MYADML2: variants seen among roughly 807,000 people sequenced by gnomAD.
The protein encoded by MYADML2 is myeloid-associated differentiation marker-like protein 2.
In MYADML2, 17 loss-of-function variants were observed where a neutral mutation model predicts 16.0. That is an observed-to-expected ratio of 1.06 (90% CI 0.73 to 1.60). MYADML2 has a LOEUF of 1.60. MYADML2 is among the 40% of genes most tolerant of loss of function. The probability of loss-of-function intolerance (pLI) is 0.00; values close to 1 mark genes in which losing one functional copy is unlikely to be tolerated. For missense variants in MYADML2, 422 were observed against 437.7 expected (o/e 0.96, Z 0.32); for synonymous variants, 210 against 208.1 (o/e 1.01, Z -0.08).
intron 1 of MYADML2, among the ~76,000 whole-genome samples, chr17:81,946,387 GC>G (rs2041345975): frequency 6.7e-6 from 1 of 148,888 alleles, no homozygotes; most frequent in Non-Finnish European, 1.5e-5. Flanking sequence ...GGTGGCTCAT[GC>G]CTGTAATCCC....
intron 2 of MYADML2, 68 bp from the exon 3 acceptor site, chr17:81,941,911 C>A (rs2041308386): frequency 1.6e-6 from 1 of 616,368 alleles, no homozygotes; most frequent in Admixed American, 3.1e-5. Flanking sequence ...TGAGGCGGCT[C>A]CCCCCAGCGC....
In MYADML2 at chr17:81,941,745, G is replaced by T. The variant is rs1267694160; in HGVS notation, c.-4C>A. ...GGGGCTCCATGGTGCTGCCCATCTGGCCAGCCACGTTTCCAGCTCACACAG... is the reference window on the plus strand; with the variant it reads ...GGGGCTCCATGGTGCTGCCCATCTGTCCAGCCACGTTTCCAGCTCACACAG... On this transcript the variant is annotated 5_prime_UTR_variant, in exon 3 of 3. Coordinates refer to ENST00000409745, the MANE Select transcript of MYADML2 (RefSeq NM_001145113.3). 1 of 1,498,628 alleles carries T rather than the reference G, an allele frequency of 6.7e-7. No individual in the cohort carries two copies. Among genetic ancestry groups the T allele is most frequent in the Non-Finnish European group, 8.9e-7 (1 of 1,119,664 alleles). 92.8% of individuals were successfully genotyped at this position (1,498,628 alleles called of 1,614,324 possible).
intron 1 of MYADML2, among the ~76,000 whole-genome samples, chr17:81,946,384 C>G (rs1374278208): frequency 1.3e-5 from 2 of 149,828 alleles, no homozygotes; most frequent in Non-Finnish European, 3.0e-5. Context: ...CGCGGTGGCT[C>G]ATGCCTGTAA....
intron 1 of MYADML2, among the ~76,000 whole-genome samples, chr17:81,945,220 G>GT (rs1019908021): frequency 2.2e-4 from 33 of 151,258 alleles, no homozygotes; most frequent in African/African-American, 7.8e-4. Context: ...GGCCAACATG[G>GT]TAAAACTCTG....
At chr17:81,945,217 A>G (rs1337760029) in intron 1 of MYADML2, among the ~76,000 whole-genome samples, 2 of 151,336 alleles carry the variant, frequency 1.3e-5, no homozygotes, top group Admixed American at 6.6e-5. Flanking sequence ...CCTGGCCAAC[A>G]TGGTAAAACT....
intron 2 of MYADML2, 25 bp from the exon 3 acceptor site, chr17:81,941,868 C>T: frequency 1.1e-6 from 1 of 937,124 alleles, no homozygotes; most frequent in East Asian, 2.7e-5. Context: ...ACGACGGTGA[C>T]ATTGCAGCAG....
In MYADML2 at chr17:81,942,752, C is replaced by G. The variant is rs2041316074; in HGVS notation, c.-180-379G>C. Among the ~76,000 whole-genome samples, 1 of 152,012 alleles carries G rather than the reference C, an allele frequency of 6.6e-6. No individual in the cohort carries two copies. The highest frequency in any genetic ancestry group is 2.1e-4 in the South Asian group (1 of 4,820). On this transcript the variant is annotated intron_variant, in intron 1 of 2. Transcript: ENST00000409745. The surrounding 1 kb of genome is among the most constrained non-coding windows in gnomAD (Gnocchi z 4.4). ...ATTTTTAATAGAGACCGGGTTTCACCATGTTGGCCAGGCTGGTCTTGATCT... is the reference window on the plus strand; with the variant it reads ...ATTTTTAATAGAGACCGGGTTTCACGATGTTGGCCAGGCTGGTCTTGATCT...
intron 1 of MYADML2, among the ~76,000 whole-genome samples, chr17:81,946,582 A>G (rs2041349223): frequency 6.6e-6 from 1 of 152,052 alleles, no homozygotes; most frequent in Non-Finnish European, 1.5e-5. Flanking sequence ...CGGGAGGCAG[A>G]GCTTGCAGTG....
At position 81,947,151 on chromosome 17, in the gene MYADML2, G is replaced by C. The variant is rs1273643525; in HGVS notation, c.-273C>G. On this transcript the variant is annotated 5_prime_UTR_variant, in exon 1 of 3. Transcript: ENST00000409745. ...ATTTTGTATCAGGGACTCTGGCCTT[G>C]TGGATTCTGGTGTTTTGGAGGTACT... 1 of 152,356 alleles carries C rather than the reference G, an allele frequency of 6.6e-6. No homozygotes were observed. Among genetic ancestry groups the C allele is most frequent in the South Asian group, 2.1e-4 (1 of 4,828 alleles). The allele number at this position is 152,356 out of a possible 1,614,324, so 9.4% of individuals were successfully genotyped here.
chr17:81,945,395 C>A (rs1432044257), intron 1 of MYADML2, among the ~76,000 whole-genome samples: 1 of 151,868 alleles, frequency 6.6e-6, no homozygotes, highest in African/African-American at 2.4e-5. Flanking sequence ...AAAAATTATC[C>A]AGGCGTGGTG....
intron 2 of MYADML2, 39 bp from the exon 3 acceptor site, chr17:81,941,882 A>G: frequency 2.5e-6 from 2 of 806,114 alleles, no homozygotes; most frequent in East Asian, 2.7e-5. Flanking sequence ...GCAGCAGGGC[A>G]GCCTCTCTGC....
In MYADML2 at chr17:81,942,114, T is replaced by G; in HGVS notation, c.-103+182A>C. 5.3e-6 allele frequency: 1 copy of G among 189,236 alleles called. No homozygotes were observed. The highest frequency in any genetic ancestry group is 1.1e-5 in the Non-Finnish European group (1 of 92,072). The allele number at this position is 189,236 out of a possible 1,614,324, so 11.7% of individuals were successfully genotyped here. A position where few individuals can be genotyped will look rare whatever the true frequency, so the allele number is the denominator to read the frequency against. The stretch of plus-strand genomic sequence containing the variant: ...CAATCCGGTCAGTTGGTTTCACGCT[T>G]GTGGGGGAGGGGGAGGGAGAAGGAG... On this transcript the variant is annotated intron_variant, in intron 2 of 2. Coordinates refer to ENST00000409745, the MANE Select transcript of MYADML2 (RefSeq NM_001145113.3). The surrounding 1 kb of genome is among the most constrained non-coding windows in gnomAD (Gnocchi z 4.4).
rs1321615790 is a variant in MYADML2, at chr17:81,942,930, C to T, written c.-180-557G>A. Among the ~76,000 whole-genome samples, 6 of 151,804 alleles carry T rather than the reference C, an allele frequency of 4.0e-5. No homozygotes were observed. Among genetic ancestry groups the T allele is most frequent in the Non-Finnish European group, 5.9e-5 (4 of 67,978 alleles). ...GTGAGATCACAGCTCACTGCAGCCT[C>T]GACCTCCCAGGCTCAAGTGATCCTC... On this transcript the variant is annotated intron_variant, in intron 1 of 2. Transcript: ENST00000409745. This position sits in a 1 kb window ranked among gnomAD's most constrained non-coding sequence, Gnocchi z 4.4.
chr17:81,945,365 C>T (rs1250443767), intron 1 of MYADML2, among the ~76,000 whole-genome samples: 19 of 152,080 alleles, frequency 1.2e-4, no homozygotes, highest in Non-Finnish European at 1.6e-4. Context: ...CAGTGAAACC[C>T]CATCTCTACT....
rs137932377 is a variant in MYADML2, at chr17:81,940,403, G to C, written c.*415C>G. On this transcript the variant is annotated 3_prime_UTR_variant, in exon 3 of 3. Coordinates refer to ENST00000409745, the MANE Select transcript of MYADML2 (RefSeq NM_001145113.3). ...AGCTTGCCTTACCCAGCCTGACTGTGGTCTCCAGACACTAATGGAGGTACT... is the reference window on the plus strand; with the variant it reads ...AGCTTGCCTTACCCAGCCTGACTGTCGTCTCCAGACACTAATGGAGGTACT... 881 of 167,838 alleles carry C rather than the reference G, an allele frequency of 5.2e-3. 6 individuals are homozygous for C. Among genetic ancestry groups the C allele is most frequent in the Middle Eastern group, 6.1e-3 (2 of 326 alleles). 10.4% of individuals were successfully genotyped at this position (167,838 alleles called of 1,614,324 possible).
chr17:81,946,354 G>C (rs375105745), intron 1 of MYADML2, among the ~76,000 whole-genome samples: 4 of 142,574 alleles, frequency 2.8e-5, no homozygotes, highest in South Asian at 2.3e-4. Context: ...ACTCAGTCTC[G>C]AAAAGAAGAA....
At position 81,940,547 on chromosome 17, in the gene MYADML2, G is replaced by T. The variant is rs752870969; in HGVS notation, c.*271C>A. The T allele has an allele frequency of 6.8e-6, 3 of 443,656 alleles. No individual in the cohort carries two copies. Among genetic ancestry groups the T allele is most frequent in the Non-Finnish European group, 1.2e-5 (3 of 248,108 alleles). The allele number at this position is 443,656 out of a possible 1,614,324, so 27.5% of individuals were successfully genotyped here. ...GTGACCAGCACTGAGCCCCAGGAGC[G>T]CTGGGAAATGGTGAGAGAGAGTGAG... On this transcript the variant is annotated 3_prime_UTR_variant, in exon 3 of 3. Transcript: ENST00000409745.
In MYADML2 at chr17:81,941,852, G is replaced by T. The variant is rs1373488804; in HGVS notation, c.-102-9C>A. The T allele has an allele frequency of 2.7e-6, 3 of 1,097,406 alleles. No individual in the cohort carries two copies. The highest frequency in any genetic ancestry group is 3.8e-6 in the Non-Finnish European group (3 of 783,622). 68.0% of individuals were successfully genotyped at this position (1,097,406 alleles called of 1,614,324 possible). ...TGGCAGGTGCCTGCAGCCTGCAGAG[G>T]CAGTGACGACGGTGACATTGCAGCA... On this transcript the variant is annotated splice_polypyrimidine_tract_variant and intron_variant, in intron 2 of 2. Transcript: ENST00000409745.
Position 81,941,022 on chromosome 17 carries a change from G to C in MYADML2, c.720C>G (p.Leu240=). 3 of 1,550,444 alleles carry C rather than the reference G, an allele frequency of 1.9e-6. No homozygotes were observed. The highest frequency in any genetic ancestry group is 2.4e-5 in the East Asian group (1 of 40,920). Reference sequence around the variant, plus strand: ...AGATCACGGCGGCGCTGAGGTACAGGAGCACAGCCAGGAAGGTGTACACCA... The same window carrying C: ...AGATCACGGCGGCGCTGAGGTACAGCAGCACAGCCAGGAAGGTGTACACCA... ...LVVVYTFLAV[L]LYLSAAVIWP... Residue 240 remains leucine, a synonymous_variant, in exon 3 of 3, where the codon CTC becomes CTG. Coordinates refer to ENST00000409745, the MANE Select transcript of MYADML2 (RefSeq NM_001145113.3).
Sources: gnomAD v4.1 joint callset for allele counts (sites outside exome capture counted in the v4.1 genomes callset) on GRCh38, gnomAD v4.1.1 for gene constraint, Gnocchi (gnomAD v3.1) non-coding constraint, MANE v1.5 for transcripts, NCBI Gene and HGNC (gene_info 2026-07-23, HGNC 2026-07-21) for gene names.